FGF12: variants seen among roughly 807,000 people sequenced by gnomAD.
The protein encoded by FGF12 is fibroblast growth factor 12.
FGF12 carries 14 observed loss-of-function variants against 23.6 expected under a neutral mutation model. The observed-to-expected ratio is 0.59, with a 90% confidence interval of 0.39 to 0.93. FGF12 has a LOEUF of 0.93. FGF12 is among the 40% of genes least tolerant of loss of function. FGF12 has a pLI of 0.00. For synonymous variants in FGF12, 62 were observed against 77.3 expected, an observed-to-expected ratio of 0.80 and a Z score of 1.04; for missense variants, 175 against 217.8, an observed-to-expected ratio of 0.80 and a Z score of 1.24.
chr3:192,623,831 A>G (rs1254581614), intron 2 of FGF12, among the ~76,000 whole-genome samples: 1 of 152,176 alleles, frequency 6.6e-6, no homozygotes, highest in Admixed American at 6.5e-5. Flanking sequence ...GGTGCATCAG[A>G]GCTGAGCCCT....
At chr3:192,612,287 C>T (rs1323812419) in intron 2 of FGF12, among the ~76,000 whole-genome samples, 3 of 151,906 alleles carry the variant, frequency 2.0e-5, no homozygotes, top group Non-Finnish European at 4.4e-5. Flanking sequence ...CACATTTTTG[C>T]ACTTCTTAAT....
chr3:192,515,240 G>C (rs1252067170), intron 2 of FGF12: 3 of 152,236 alleles, frequency 2.0e-5, no homozygotes, highest in Non-Finnish European at 4.4e-5. Flanking sequence ...GGAAGGCAGC[G>C]GTCCCGCGGG....
intron 2 of FGF12, among the ~76,000 whole-genome samples, chr3:192,411,211 G>A (rs140252948): frequency 4.6e-5 from 7 of 152,276 alleles, no homozygotes; most frequent in African/African-American, 1.7e-4. Flanking sequence ...AAGAAGGATT[G>A]AGATCTGTGA....
intron 2 of FGF12, among the ~76,000 whole-genome samples, chr3:192,644,566 T>C (rs1715931208): frequency 6.6e-6 from 1 of 152,196 alleles, no homozygotes; most frequent in South Asian, 2.1e-4. Flanking sequence ...AGGACACTGT[T>C]GTTACTTCTA....
At chr3:192,293,671 T>A (rs1241913650) in intron 4 of FGF12, among the ~76,000 whole-genome samples, 1 of 152,214 alleles carries the variant, frequency 6.6e-6, no homozygotes, top group Non-Finnish European at 1.5e-5. Flanking sequence ...TCTGTACCTT[T>A]CAAACGTTCC....
At chr3:192,578,003 A>G (rs1019194804) in intron 2 of FGF12, among the ~76,000 whole-genome samples, 13 of 152,182 alleles carry the variant, frequency 8.5e-5, no homozygotes, top group African/African-American at 3.1e-4. Context: ...AGCAAGGTCT[A>G]GTGAAAGGGG....
chr3:192,453,512 A>G (rs1395737405), intron 2 of FGF12, among the ~76,000 whole-genome samples: 1 of 152,176 alleles, frequency 6.6e-6, no homozygotes, highest in Non-Finnish European at 1.5e-5. Context: ...ATTCTATCTA[A>G]TATCTTTACA....
intron 2 of FGF12, among the ~76,000 whole-genome samples, chr3:192,576,450 A>C (rs1712890406): frequency 6.6e-6 from 1 of 152,210 alleles, no homozygotes. Flanking sequence ...ATGTTTAAGA[A>C]GAAAGTTTGA....
intron 2 of FGF12, among the ~76,000 whole-genome samples, chr3:192,554,588 T>G (rs1711679268): frequency 6.6e-6 from 1 of 152,132 alleles, no homozygotes; most frequent in Non-Finnish European, 1.5e-5. Context: ...ACAAAGCCAG[T>G]TCATAAAAAC....
chr3:192,393,433 G>A (rs758399825), intron 2 of FGF12, among the ~76,000 whole-genome samples: 1 of 151,994 alleles, frequency 6.6e-6, no homozygotes, highest in Non-Finnish European at 1.5e-5. Context: ...GCCTCTAACT[G>A]ACTGTTATGA....
intron 4 of FGF12, among the ~76,000 whole-genome samples, chr3:192,316,319 G>A (rs1473880364): frequency 6.6e-6 from 1 of 152,156 alleles, no homozygotes; most frequent in Non-Finnish European, 1.5e-5. Context: ...AATTATCACA[G>A]TATCTAGTTT....
chr3:192,663,332 C>T (rs537972040), intron 2 of FGF12, among the ~76,000 whole-genome samples: 6 of 152,320 alleles, frequency 3.9e-5, no homozygotes, highest in South Asian at 2.1e-4. Flanking sequence ...GTACTCTCTT[C>T]GCAGAATTGT....
rs909474851 is a variant in FGF12 at position 192,573,166 on chromosome 3, A to G, written c.13+154015T>C. On this transcript the variant is annotated intron_variant, in intron 2 of 5. Transcript: ENST00000445105. The stretch of plus-strand genomic sequence containing the variant: ...CTCTTCCTGTAGGATAGGGGTTCTC[A>G]GTGCTTATGGAACCTACTTCTGAAC... Among the ~76,000 whole-genome samples, 7 of 152,058 alleles carry G rather than the reference A, an allele frequency of 4.6e-5. No homozygotes were observed. The East Asian group carries it at 1.4e-3, about 29-fold the overall frequency.
At chr3:192,606,298 C>T (rs1714334531) in intron 2 of FGF12, among the ~76,000 whole-genome samples, 1 of 152,122 alleles carries the variant, frequency 6.6e-6, no homozygotes, top group Non-Finnish European at 1.5e-5. Context: ...CATGTTCTCG[C>T]TTACAAATGG....
Position 192,357,114 on chromosome 3 carries a change from C to T in FGF12, c.124+3314G>A, listed in dbSNP as rs1379854293. On this transcript the variant is annotated intron_variant, in intron 3 of 5. Transcript: ENST00000445105. ...CGTAACATGGTACCATTAGTAGAAGCTGGGTAAAAAGTATAAAGGAATTCA... is the reference window on the plus strand; with the variant it reads ...CGTAACATGGTACCATTAGTAGAAGTTGGGTAAAAAGTATAAAGGAATTCA... 1.3e-5 allele frequency among the ~76,000 whole-genome samples: 2 copies of T among 152,082 alleles called. 1 individual carries two copies. The highest frequency in any genetic ancestry group is 2.9e-5 in the Non-Finnish European group (2 of 68,018).
intron 1 of FGF12, 61 bp downstream of exon 1, chr3:192,727,423 C>A: frequency 7.9e-7 from 1 of 1,260,536 alleles, no homozygotes; most frequent in Non-Finnish European, 1.1e-6. Context: ...CGTTGCGACG[C>A]GCATCTGATA....
chr3:192,515,807 T>C (rs1724649881), intron 2 of FGF12, among the ~76,000 whole-genome samples: 1 of 149,960 alleles, frequency 6.7e-6, no homozygotes. Flanking sequence ...AGATCTCGAT[T>C]TTTTTTTCCC....
intron 2 of FGF12, among the ~76,000 whole-genome samples, chr3:192,419,167 T>A (rs1225352658): frequency 6.6e-6 from 1 of 152,298 alleles, no homozygotes; most frequent in Non-Finnish European, 1.5e-5. Flanking sequence ...TTTTTTAGGA[T>A]GATGAATCCA....
At chr3:192,435,771 G>C (rs961378899) in intron 2 of FGF12, among the ~76,000 whole-genome samples, 1 of 152,110 alleles carries the variant, frequency 6.6e-6, no homozygotes, top group Non-Finnish European at 1.5e-5. Context: ...CTGTTCTTCT[G>C]TTTGGGCTCT....
Sources: gnomAD v4.1 joint callset for allele counts (sites outside exome capture counted in the v4.1 genomes callset) on GRCh38, gnomAD v4.1.1 for gene constraint, MANE v1.5 for transcripts, NCBI Gene and HGNC (gene_info 2026-07-23, HGNC 2026-07-21) for gene names.